The following CNTN6 variants were observed in gnomAD, a reference collection of about 807,000 sequenced individuals.
The protein encoded by CNTN6 is contactin-6.
CNTN6 carries 137 observed loss-of-function variants against 122.8 expected under a neutral mutation model. That is an observed-to-expected ratio of 1.12 (90% CI 0.97 to 1.29). CNTN6 has a LOEUF of 1.29. CNTN6 is among the 50% of genes most tolerant of loss of function. The pLI, the probability that CNTN6 is intolerant of heterozygous loss-of-function variation, is 0.00. For synonymous variants in CNTN6, 570 were observed against 426.0 expected (o/e 1.34, Z -4.16); for missense variants, 1,634 against 1,223.4 (o/e 1.34, Z -5.01).
chr3:1,132,787 C>T (rs2092373759), intron 1 of CNTN6, among the ~76,000 whole-genome samples: 1 of 152,102 alleles, frequency 6.6e-6, no homozygotes, highest in Non-Finnish European at 1.5e-5. Flanking sequence ...GTTTGAATAA[C>T]AGTCACTTGA....
chr3:1,281,316 T>C (rs920347031), intron 5 of CNTN6, among the ~76,000 whole-genome samples: 47 of 152,138 alleles, frequency 3.1e-4, no homozygotes, highest in African/African-American at 1.0e-3. Flanking sequence ...AATATATTCA[T>C]GGGGGCAGAC....
chr3:1,318,563 C>T (rs892500370), intron 7 of CNTN6, among the ~76,000 whole-genome samples: 7 of 151,398 alleles, frequency 4.6e-5, no homozygotes, highest in Admixed American at 2.0e-4. Flanking sequence ...TAGAAAGAAC[C>T]CAAAGGAAAA....
intron 1 of CNTN6, among the ~76,000 whole-genome samples, chr3:1,134,876 G>A (rs1335923767): frequency 6.6e-6 from 1 of 152,150 alleles, no homozygotes; most frequent in Non-Finnish European, 1.5e-5. Context: ...AAGCACACAA[G>A]CAGTGTGGAA....
intron 4 of CNTN6, among the ~76,000 whole-genome samples, chr3:1,272,164 C>G (rs984347706): frequency 1.3e-5 from 2 of 152,212 alleles, no homozygotes; most frequent in African/African-American, 4.8e-5. Flanking sequence ...GCCTCCTGAG[C>G]CATGTGGAGC....
chr3:1,131,238 G>A (rs888282193), intron 1 of CNTN6, among the ~76,000 whole-genome samples: 1 of 152,074 alleles, frequency 6.6e-6, no homozygotes, highest in African/African-American at 2.4e-5. Context: ...GAGCTCAGAA[G>A]TAAGTAGGGT....
intron 1 of CNTN6, among the ~76,000 whole-genome samples, chr3:1,097,525 T>A (rs923220092): frequency 7.9e-5 from 12 of 152,212 alleles, no homozygotes; most frequent in Non-Finnish European, 1.6e-4. Flanking sequence ...GTCAATAAAA[T>A]GATAGTGAGA....
intron 2 of CNTN6, among the ~76,000 whole-genome samples, chr3:1,168,100 GGTTCCCCAT>G (rs1328477332): frequency 6.6e-6 from 1 of 151,742 alleles, no homozygotes; most frequent in Admixed American, 6.6e-5. Flanking sequence ...TAGAGAGGGA[GGTTCCCCAT>G]GTTGGCCAGG....
chr3:1,311,510 A>T (rs1398840769), intron 7 of CNTN6, among the ~76,000 whole-genome samples: 4 of 139,384 alleles, frequency 2.9e-5, no homozygotes, highest in Non-Finnish European at 4.7e-5. Context: ...TACATATAAA[A>T]TGTCTTTATA....
At chr3:1,317,523 G>A (rs949506743) in intron 7 of CNTN6, among the ~76,000 whole-genome samples, 6 of 151,796 alleles carry the variant, frequency 4.0e-5, no homozygotes, top group Non-Finnish European at 7.4e-5. Context: ...CCTTGAGTTA[G>A]GTGTGTGAAC....
intron 4 of CNTN6, among the ~76,000 whole-genome samples, chr3:1,276,361 ATTCT>A (rs1692359773): frequency 6.6e-6 from 1 of 152,194 alleles, no homozygotes; most frequent in Admixed American, 6.5e-5. Context: ...GATTTGACGT[ATTCT>A]TTCTAATTTT....
chr3:1,302,421 A>T (rs1217059003), intron 7 of CNTN6, among the ~76,000 whole-genome samples: 1 of 152,090 alleles, frequency 6.6e-6, no homozygotes, highest in Non-Finnish European at 1.5e-5. Flanking sequence ...CTATTCATTG[A>T]CTGCTATTTA....
At chr3:1,253,539 C>G (rs966579701) in intron 4 of CNTN6, among the ~76,000 whole-genome samples, 2 of 152,164 alleles carry the variant, frequency 1.3e-5, no homozygotes, top group Non-Finnish European at 2.9e-5. Flanking sequence ...TCGTTTTCAA[C>G]TGATTTGACT....
rs139545043 is a variant in CNTN6 at position 1,105,740 on chromosome 3, G to A, written c.-83+12620G>A. On this transcript the variant is annotated intron_variant, in intron 1 of 22. Coordinates refer to ENST00000446702, the MANE Select transcript of CNTN6 (RefSeq NM_001289080.2). ...ACAACTTAAAGTTTCCTAAATATAG[G>A]TCCAGTGTTATCAACTTTTTACCTC... is the stretch of plus-strand genomic sequence containing the variant. 5.0e-3 allele frequency among the ~76,000 whole-genome samples: 764 copies of A among 152,146 alleles called. 11 individuals are homozygous for A. Among genetic ancestry groups the A allele is most frequent in the African/African-American group, 0.018 (728 of 41,516 alleles).
At chr3:1,375,327 A>G (rs1709704750) in intron 16 of CNTN6, among the ~76,000 whole-genome samples, 2 of 152,046 alleles carry the variant, frequency 1.3e-5, no homozygotes, top group South Asian at 4.1e-4. Flanking sequence ...CTCTTGTTTC[A>G]GTAGCAGAAT....
intron 4 of CNTN6, among the ~76,000 whole-genome samples, chr3:1,271,972 G>A (rs1468474423): frequency 6.6e-6 from 1 of 152,136 alleles, no homozygotes; most frequent in Non-Finnish European, 1.5e-5. Context: ...TCATGGGAGG[G>A]ACCCAGTGGG....
chr3:1,338,395 A>G (rs759771244), intron 11 of CNTN6, among the ~76,000 whole-genome samples: 6 of 152,068 alleles, frequency 3.9e-5, no homozygotes, highest in Admixed American at 2.6e-4. Flanking sequence ...AAGGAACCTG[A>G]ATTTGTGTAA....
intron 4 of CNTN6, among the ~76,000 whole-genome samples, chr3:1,229,609 C>T (rs2094328587): frequency 6.6e-6 from 1 of 152,148 alleles, no homozygotes; most frequent in African/African-American, 2.4e-5. Context: ...AAATGTCCTA[C>T]ATTATTATAT....
At chr3:1,124,680 C>G (rs558571163) in intron 1 of CNTN6, among the ~76,000 whole-genome samples, 1 of 128,482 alleles carries the variant, frequency 7.8e-6, no homozygotes, top group South Asian at 2.4e-4. Flanking sequence ...GTATCCTAAA[C>G]ATTATTGAAA....
chr3:1,388,232 C>A (rs1226639426), intron 20 of CNTN6, among the ~76,000 whole-genome samples: 3 of 149,326 alleles, frequency 2.0e-5, no homozygotes, highest in Non-Finnish European at 4.5e-5. Flanking sequence ...GGCACACTGC[C>A]TCCTCAAGTG....
Sources: allele counts gnomAD v4.1 joint callset (sites outside exome capture counted in the v4.1 genomes callset), GRCh38; gene constraint gnomAD v4.1.1; transcripts MANE v1.5; gene names NCBI Gene and HGNC (gene_info 2026-07-23, HGNC 2026-07-21).